Variants in FRMD6 observed in about 807,000 individuals in gnomAD.
FRMD6 encodes the protein FERM domain-containing protein 6.
A neutral mutation model predicts 73.2 loss-of-function variants in FRMD6; 37 were observed. The ratio of observed to expected loss-of-function variants is 0.51; its 90% CI spans 0.39 to 0.66. The LOEUF is 0.66. Among genes scored for constraint, FRMD6 ranks in the 30% least tolerant of loss-of-function variants. FRMD6 has a pLI of 0.00. For missense variants in FRMD6, 714 were observed against 780.5 expected, an observed-to-expected ratio of 0.91 and a Z score of 1.02; for synonymous variants, 273 against 282.2, an observed-to-expected ratio of 0.97 and a Z score of 0.33.
chr14:51,690,046 A>T, intron 2 of FRMD6, 111 bp downstream of exon 2: 1 of 752,800 alleles, frequency 1.3e-6, no homozygotes, highest in Non-Finnish European at 2.4e-6. Context: ...GGCAGTAATC[A>T]TGTGGCAGAA....
At chr14:51,426,169 T>G in the FRMD6 span, among the ~76,000 whole-genome samples, 1 of 152,216 alleles carries the variant, frequency 6.6e-6, no homozygotes, top group East Asian at 1.9e-4. Context: ...GCTTGGTGAC[T>G]TTTTCTTGAA....
the FRMD6 span, among the ~76,000 whole-genome samples, chr14:51,418,783 G>T: frequency 6.6e-6 from 1 of 152,220 alleles, no homozygotes; most frequent in African/African-American, 2.4e-5. Flanking sequence ...TGCTCCCAGC[G>T]GCAGAGACTA....
chr14:51,576,744 C>T (rs1025675884), intron 2 of FRMD6, among the ~76,000 whole-genome samples: 5 of 152,154 alleles, frequency 3.3e-5, no homozygotes, highest in African/African-American at 9.7e-5. Flanking sequence ...GACATACGCA[C>T]GCTGGAGACA....
At chr14:51,470,528 G>T in the FRMD6 span, among the ~76,000 whole-genome samples, 1 of 151,802 alleles carries the variant, frequency 6.6e-6, no homozygotes, top group East Asian at 1.9e-4. Context: ...ACCAGCTTTT[G>T]GTTTTGGTAA....
intron 1 of FRMD6, among the ~76,000 whole-genome samples, chr14:51,525,376 C>A (rs1007984907): frequency 6.6e-6 from 1 of 152,030 alleles, no homozygotes; most frequent in Admixed American, 6.5e-5. Flanking sequence ...TCAAGCGATT[C>A]CCCTGCCTAA....
chr14:51,677,875 T>C (rs8003096), intron 1 of FRMD6, among the ~76,000 whole-genome samples: 144,511 of 152,052 alleles, frequency 0.95, 68,810 homozygotes, highest in Middle Eastern at 0.97. Flanking sequence ...TGTTTCCTTC[T>C]ACATTCTGGT....
intron 1 of FRMD6, among the ~76,000 whole-genome samples, chr14:51,530,903 A>T (rs886979298): frequency 2.0e-5 from 3 of 152,208 alleles, no homozygotes; most frequent in Non-Finnish European, 4.4e-5. Context: ...ATAACAAAAT[A>T]CCTGAGACTG....
At chr14:51,690,034 A>G in intron 2 of FRMD6, 99 bp downstream of exon 2, 1 of 804,906 alleles carries the variant, frequency 1.2e-6, no homozygotes, top group Non-Finnish European at 2.2e-6. Context: ...TTACAGAATT[A>G]GGGCAGTAAT....
At chr14:51,488,275 C>G (rs1218407490), upstream of FRMD6, among the ~76,000 whole-genome samples, 1 of 152,158 alleles carries the variant, frequency 6.6e-6, no homozygotes, top group Non-Finnish European at 1.5e-5. Flanking sequence ...GGGGTGGTGT[C>G]AACAACATCC....
chr14:51,494,383 C>A (rs1393876725), intron 1 of FRMD6, among the ~76,000 whole-genome samples: 3 of 152,186 alleles, frequency 2.0e-5, no homozygotes, highest in Non-Finnish European at 4.4e-5. Flanking sequence ...AATGGACATT[C>A]CCAATCCAAA....
At chr14:51,446,445 G>GACACACAC in the FRMD6 span, among the ~76,000 whole-genome samples, 54 of 139,232 alleles carry the variant, frequency 3.9e-4, 1 homozygote, top group South Asian at 2.7e-3. Flanking sequence ...CTCTTGTGTA[G>GACACACAC]ACACACACAC....
intron 2 of FRMD6, among the ~76,000 whole-genome samples, chr14:51,646,863 T>A (rs1291810176): frequency 6.6e-6 from 1 of 152,000 alleles, no homozygotes; most frequent in East Asian, 1.9e-4. Context: ...CTTGCCGCTA[T>A]GCCTTTCAAC....
At chr14:51,616,969 A>T (rs925621306) in intron 2 of FRMD6, among the ~76,000 whole-genome samples, 11 of 152,130 alleles carry the variant, frequency 7.2e-5, no homozygotes, top group Non-Finnish European at 1.5e-4. Flanking sequence ...CCCTTTTTGA[A>T]ACTCACCTCA....
the FRMD6 span, among the ~76,000 whole-genome samples, chr14:51,402,780 A>T: frequency 6.6e-6 from 1 of 151,918 alleles, no homozygotes; most frequent in South Asian, 2.1e-4. Flanking sequence ...CTGGGACTAC[A>T]GGTGCCCACC....
intron 1 of FRMD6, among the ~76,000 whole-genome samples, chr14:51,688,265 GATT>G (rs1286060363): frequency 6.6e-6 from 1 of 152,048 alleles, no homozygotes; most frequent in Non-Finnish European, 1.5e-5. Context: ...AACATGAGAT[GATT>G]ATTATTAAGA....
chr14:51,531,948 A>G (rs1885605763), intron 1 of FRMD6, among the ~76,000 whole-genome samples: 1 of 152,210 alleles, frequency 6.6e-6, no homozygotes, highest in South Asian at 2.1e-4. Context: ...CTATCCATCT[A>G]TTATATCAGT....
At chr14:51,550,992 G>C (rs1014465) in intron 1 of FRMD6, among the ~76,000 whole-genome samples, 55,162 of 151,938 alleles carry the variant, frequency 0.36, 10,128 homozygotes, top group South Asian at 0.42. Context: ...TCTTCTTAAA[G>C]TGTTCTATTG....
chr14:51,459,110 T>G, the FRMD6 span, among the ~76,000 whole-genome samples: 1 of 152,248 alleles, frequency 6.6e-6, no homozygotes, highest in Non-Finnish European at 1.5e-5. Flanking sequence ...TCCCCTTAGA[T>G]TGACCCTTAG....
the FRMD6 span, among the ~76,000 whole-genome samples, chr14:51,475,407 G>A: frequency 2.0e-5 from 3 of 152,258 alleles, no homozygotes; most frequent in Non-Finnish European, 2.9e-5. Flanking sequence ...CTTTTGCTAC[G>A]AGCTGATTTC....
Sources: allele counts gnomAD v4.1 joint callset (sites outside exome capture counted in the v4.1 genomes callset), GRCh38; gene constraint gnomAD v4.1.1; transcripts MANE v1.5; gene names NCBI Gene and HGNC (gene_info 2026-07-23, HGNC 2026-07-21).